MAK: variants seen among roughly 807,000 people sequenced by gnomAD.
The protein encoded by MAK is serine/threonine-protein kinase MAK.
A neutral mutation model predicts 82.6 loss-of-function variants in MAK; 65 were observed. The observed-to-expected ratio is 0.79, with a 90% CI of 0.64 to 0.97. MAK has a LOEUF of 0.97. Among genes scored for constraint, MAK ranks in the 50% least tolerant of loss-of-function variants. MAK has a pLI of 0.00. For synonymous variants in MAK, 250 were observed against 274.2 expected (o/e 0.91, Z 0.87); for missense variants, 703 against 780.2 (o/e 0.90, Z 1.18).
intron 2 of MAK, among the ~76,000 whole-genome samples, chr6:10,828,681 A>G (rs1170183247): frequency 6.6e-6 from 1 of 152,086 alleles, no homozygotes; most frequent in East Asian, 1.9e-4. Flanking sequence ...TACAGTCCCA[A>G]CTACTCTGGA....
chr6:10,828,385 C>G (rs1404434722), intron 2 of MAK, among the ~76,000 whole-genome samples: 1 of 152,160 alleles, frequency 6.6e-6, no homozygotes, highest in Non-Finnish European at 1.5e-5. Flanking sequence ...TGAGGTGCCT[C>G]TTGCCAACAG....
At chr6:10,814,607 G>T (rs1462004979) in intron 4 of MAK, among the ~76,000 whole-genome samples, 1 of 151,970 alleles carries the variant, frequency 6.6e-6, no homozygotes, top group Non-Finnish European at 1.5e-5. Context: ...ATTCGAGGCT[G>T]CAGTGAGCTG....
chr6:10,826,971 C>T (rs774421713), intron 2 of MAK, among the ~76,000 whole-genome samples: 3 of 152,014 alleles, frequency 2.0e-5, no homozygotes, highest in Admixed American at 6.6e-5. Flanking sequence ...ATTAGCCAGG[C>T]GTGGTGGTAC....
intron 9 of MAK, among the ~76,000 whole-genome samples, chr6:10,794,441 T>A (rs1775340817): frequency 6.6e-6 from 1 of 152,144 alleles, no homozygotes; most frequent in Admixed American, 6.6e-5. Flanking sequence ...TAAGAAGTAA[T>A]TAACAGTATG....
intron 6 of MAK, among the ~76,000 whole-genome samples, chr6:10,807,729 C>G (rs986298123): frequency 6.6e-6 from 1 of 151,652 alleles, no homozygotes; most frequent in African/African-American, 2.4e-5. Flanking sequence ...TGAATTTTCA[C>G]AAATACAACA....
chr6:10,785,954 A>T (rs186573831), intron 10 of MAK, among the ~76,000 whole-genome samples: 1 of 152,330 alleles, frequency 6.6e-6, no homozygotes. Flanking sequence ...ACTTTTAAGA[A>T]GACAACCAGG....
At position 10,763,546 on chromosome 6, in the gene MAK, T is replaced by A. The variant is rs1772126340; in HGVS notation, c.*906A>T. 7.2e-6 allele frequency: 1 copy of A among 139,448 alleles called. No homozygotes were observed. The allele number at this position is 139,448 out of a possible 1,614,324, so 8.6% of individuals were successfully genotyped here. A position where few individuals can be genotyped will look rare whatever the true frequency, so the allele number is the denominator to read the frequency against. On this transcript the variant is annotated 3_prime_UTR_variant, in exon 15 of 15. Coordinates refer to ENST00000354489, the MANE Select transcript of MAK (RefSeq NM_001242957.3). The stretch of plus-strand genomic sequence containing the variant: ...TCTATGTTAAAGATAAATTTATTTC[T>A]AAAAAAAAAAAAAAAAAGCTGGGCA...
intron 1 of MAK, among the ~76,000 whole-genome samples, chr6:10,836,944 A>G (rs1386362105): frequency 6.6e-6 from 1 of 152,238 alleles, no homozygotes; most frequent in Non-Finnish European, 1.5e-5. Flanking sequence ...TTTTTAATCT[A>G]AGTTCATAAT....
At chr6:10,818,832 G>T in intron 3 of MAK, 54 bp downstream of exon 3, 1 of 914,690 alleles carries the variant, frequency 1.1e-6, no homozygotes, top group Non-Finnish European at 1.8e-6. Flanking sequence ...CTTAACTACG[G>T]TCCTCAGGTA....
rs1772108542 is a variant in MAK at position 10,763,321 on chromosome 6, A to G, written c.*1131T>C. On this transcript the variant is annotated 3_prime_UTR_variant, in exon 15 of 15. Coordinates refer to ENST00000354489, the MANE Select transcript of MAK (RefSeq NM_001242957.3). ...GGACACAGAAACAAAACAATTTGAA[A>G]AGTCCAATGAACCAGCATCAAACAA... is the stretch of plus-strand genomic sequence containing the variant. 1 of 152,140 alleles carries G rather than the reference A, an allele frequency of 6.6e-6. No homozygotes were observed. The highest frequency in any genetic ancestry group is 1.5e-5 in the Non-Finnish European group (1 of 68,038). The allele number at this position is 152,140 out of a possible 1,614,324, so 9.4% of individuals were successfully genotyped here. A position where few individuals can be genotyped will look rare whatever the true frequency, so the allele number is the denominator to read the frequency against.
chr6:10,797,663 G>A (rs1389766780), intron 8 of MAK: 1 of 985,320 alleles, frequency 1.0e-6, no homozygotes, highest in East Asian at 1.1e-4. Flanking sequence ...TCCTTAAGAT[G>A]GTCAAGCTCT....
intron 11 of MAK, among the ~76,000 whole-genome samples, chr6:10,781,365 G>A (rs1396701831): frequency 6.6e-6 from 1 of 151,474 alleles, no homozygotes; most frequent in African/African-American, 2.4e-5. Context: ...TGAAACTATA[G>A]TCAGGAAAAT....
At chr6:10,785,606 G>A (rs866526671) in intron 10 of MAK, among the ~76,000 whole-genome samples, 2 of 152,206 alleles carry the variant, frequency 1.3e-5, no homozygotes, top group Non-Finnish European at 2.9e-5. Context: ...GAACAGTCCC[G>A]CCATTTCTGG....
chr6:10,769,989 T>G, intron 14 of MAK, 122 bp downstream of exon 14: 1 of 1,565,428 alleles, frequency 6.4e-7, no homozygotes, highest in Non-Finnish European at 8.7e-7. Flanking sequence ...CAAAAAGAAA[T>G]GCGTTAATGA....
chr6:10,779,519 C>G, intron 11 of MAK: 1 of 981,874 alleles, frequency 1.0e-6, no homozygotes, highest in Non-Finnish European at 1.2e-6. Flanking sequence ...TGGTACATTT[C>G]TAGAGCTCCC....
chr6:10,827,036 A>G (rs1208424570), intron 2 of MAK, among the ~76,000 whole-genome samples: 5 of 152,152 alleles, frequency 3.3e-5, no homozygotes, highest in South Asian at 2.1e-4. Flanking sequence ...GCTTGAACCC[A>G]GGAGGCAGAG....
At chr6:10,773,855 A>AT (rs925735866) in intron 12 of MAK, among the ~76,000 whole-genome samples, 24 of 150,730 alleles carry the variant, frequency 1.6e-4, no homozygotes, top group South Asian at 4.2e-4. Context: ...CCATGCCTGG[A>AT]TTTTTTTTTG....
chr6:10,837,400 A>G (rs1291461372), intron 1 of MAK, among the ~76,000 whole-genome samples: 2 of 152,248 alleles, frequency 1.3e-5, no homozygotes, highest in Non-Finnish European at 2.9e-5. Flanking sequence ...GTCCACCCCG[A>G]CGAAGAGATT....
intron 8 of MAK, among the ~76,000 whole-genome samples, chr6:10,799,132 G>T (rs905859875): frequency 6.6e-6 from 1 of 152,042 alleles, no homozygotes; most frequent in East Asian, 1.9e-4. Context: ...CACCGCACAT[G>T]GTTGGAAACA....
Sources: allele counts gnomAD v4.1 joint callset (sites outside exome capture counted in the v4.1 genomes callset), GRCh38; gene constraint gnomAD v4.1.1; transcripts MANE v1.5; gene names NCBI Gene and HGNC (gene_info 2026-07-23, HGNC 2026-07-21).